Variants in ASMTL observed in about 807,000 individuals in gnomAD.
The protein encoded by ASMTL is probable bifunctional dTTP/UTP pyrophosphatase/methyltransferase protein.
A neutral mutation model predicts 60.3 loss-of-function variants in ASMTL; 57 were observed. That is an observed-to-expected ratio of 0.95 (90% confidence interval 0.76 to 1.18). ASMTL has a LOEUF of 1.18. ASMTL is among the 50% of genes most tolerant of loss of function. The pLI is 0.00. For synonymous variants in ASMTL, 419 were observed against 373.0 expected, an observed-to-expected ratio of 1.12 and a Z score of -1.42; for missense variants, 981 against 852.6, an observed-to-expected ratio of 1.15 and a Z score of -1.88.
intron 12 of ASMTL, among the ~76,000 whole-genome samples, chrX:1,406,025 A>G (rs2089819719): frequency 1.3e-5 from 2 of 150,602 alleles, no homozygotes; most frequent in Middle Eastern, 3.6e-3. Flanking sequence ...GGATGGGTGA[A>G]TAGATGGTAG....
At chrX:1,421,390 C>T (rs1205704990) in intron 9 of ASMTL, among the ~76,000 whole-genome samples, 2 of 152,118 alleles carry the variant, frequency 1.3e-5, no homozygotes, top group African/African-American at 4.8e-5. Flanking sequence ...GGTGTGAGCC[C>T]CTGAGCATGG....
At position 1,417,663 on chromosome X, in the gene ASMTL, ACT is replaced by A. The variant is rs2090341810; in HGVS notation, c.1522+308_1522+309del. Among the ~76,000 whole-genome samples, 28 of 150,050 alleles carry A rather than the reference ACT, an allele frequency of 1.9e-4. No homozygotes were observed. In the South Asian group the frequency reaches 5.8e-3, roughly 31 times the overall value. ...TATACCCACACAGACACACACACAT[ACT>A]CTCACAGAAACATATGCAACCACAC... On this transcript the variant is annotated intron_variant, in intron 11 of 12. Transcript: ENST00000381317.
At chrX:1,439,365 G>A (rs1472003529) in intron 2 of ASMTL, among the ~76,000 whole-genome samples, 2 of 152,196 alleles carry the variant, frequency 1.3e-5, no homozygotes, top group Non-Finnish European at 2.9e-5. Flanking sequence ...GGGCCCACGG[G>A]GGCTGCGTGA....
chrX:1,420,049 C>CTG (rs367668661), intron 9 of ASMTL, among the ~76,000 whole-genome samples: 161 of 151,190 alleles, frequency 1.1e-3, no homozygotes, highest in Non-Finnish European at 1.9e-3. Context: ...GTCTCTATGT[C>CTG]TGTCTCCTGT....
chrX:1,403,600 C>CTG, intron 12 of ASMTL, 111 bp from the exon 13 acceptor site: 1 of 996,918 alleles, frequency 1.0e-6, no homozygotes, highest in Non-Finnish European at 1.5e-6. Context: ...GCAGAGGCTG[C>CTG]TGAGAACCCT....
intron 8 of ASMTL, among the ~76,000 whole-genome samples, chrX:1,422,098 C>G (rs1189884946): frequency 1.5e-4 from 23 of 152,292 alleles, no homozygotes; most frequent in African/African-American, 5.3e-4. Context: ...CAGCTGTCAA[C>G]TGCTGTAACT....
At chrX:1,434,359 G>C (rs111421872) in intron 5 of ASMTL, among the ~76,000 whole-genome samples, 2 of 151,786 alleles carry the variant, frequency 1.3e-5, no homozygotes, top group South Asian at 2.1e-4. Flanking sequence ...GTGTGGTGGC[G>C]TGTGCCTGTA....
chrX:1,433,234 C>T (rs1203505573), intron 5 of ASMTL, among the ~76,000 whole-genome samples: 2 of 152,098 alleles, frequency 1.3e-5, no homozygotes, highest in African/African-American at 4.8e-5. Context: ...AAGCCCCTTT[C>T]ATCCGCAGGG....
At chrX:1,428,315 G>C (rs2090671103) in intron 6 of ASMTL, 194 bp from the exon 7 acceptor site, 3 of 166,056 alleles carry the variant, frequency 1.8e-5, no homozygotes, top group Admixed American at 1.1e-4. Context: ...AGGCGCCTTT[G>C]GCATCTCAAA....
At chrX:1,451,011 G>C (rs2091360795) in intron 1 of ASMTL, among the ~76,000 whole-genome samples, 1 of 140,608 alleles carries the variant, frequency 7.1e-6, no homozygotes, top group Non-Finnish European at 1.6e-5. Flanking sequence ...AGGGGTCCCG[G>C]GTCACTCTGC....
rs1276865095 is a variant in ASMTL at position 1,427,683 on chromosome X, A to C, written c.897+51T>G. On this transcript the variant is annotated intron_variant, in intron 7 of 12. Transcript: ENST00000381317. ...AGTAAATTCCCTTTGATTTAAGCCG[A>C]GTGTGTAGGCTCATTTGTGAAATGT... The C allele has an allele frequency of 6.5e-6, 10 of 1,536,702 alleles. No individual in the cohort carries two copies. In the Middle Eastern group the frequency reaches 5.4e-4, roughly 83 times the overall value.
intron 1 of ASMTL, among the ~76,000 whole-genome samples, chrX:1,452,066 C>G (rs183470317): frequency 1.4e-5 from 2 of 141,246 alleles, no homozygotes; most frequent in South Asian, 4.7e-4. Flanking sequence ...CCCTCCCCCA[C>G]CCCTAGGGGG....
At chrX:1,452,129 CCCAA>C in intron 1 of ASMTL, among the ~76,000 whole-genome samples, 1 of 148,434 alleles carries the variant, frequency 6.7e-6, no homozygotes, top group African/African-American at 2.5e-5. Context: ...GGTCACTCTC[CCCAA>C]CCCCATCCCT....
At chrX:1,433,957 G>A (rs2090886932) in intron 5 of ASMTL, among the ~76,000 whole-genome samples, 1 of 152,206 alleles carries the variant, frequency 6.6e-6, no homozygotes, top group Non-Finnish European at 1.5e-5. Context: ...AGCCAGCAGT[G>A]AGCGGCAGGT....
intron 1 of ASMTL, among the ~76,000 whole-genome samples, chrX:1,448,914 G>A (rs1248177684): frequency 7.2e-5 from 11 of 152,244 alleles, no homozygotes; most frequent in South Asian, 2.1e-4. Flanking sequence ...TTAAGTTCCC[G>A]TGATTAAAAA....
intron 1 of ASMTL, among the ~76,000 whole-genome samples, chrX:1,445,877 C>T (rs773975431): frequency 4.6e-5 from 7 of 152,170 alleles, no homozygotes; most frequent in Admixed American, 1.3e-4. Context: ...AAGACGAGCG[C>T]GAGCCTTCTG....
intron 10 of ASMTL, among the ~76,000 whole-genome samples, chrX:1,418,407 C>G (rs1262986673): frequency 6.6e-6 from 1 of 151,698 alleles, no homozygotes; most frequent in African/African-American, 2.4e-5. Context: ...GCTACAGCAG[C>G]CACTCTGGGC....
chrX:1,431,692 G>A (rs1386202539), intron 6 of ASMTL, among the ~76,000 whole-genome samples: 2 of 146,476 alleles, frequency 1.4e-5, no homozygotes, highest in African/African-American at 5.0e-5. Flanking sequence ...TATATAATGT[G>A]GAATACATAA....
chrX:1,435,400 C>T (rs1326474303), intron 4 of ASMTL: 3 of 605,784 alleles, frequency 5.0e-6, no homozygotes, highest in East Asian at 5.5e-5. Flanking sequence ...GCTACGGGCT[C>T]AGGTCCAGGA....
Sources: gnomAD v4.1 joint callset for allele counts (sites outside exome capture counted in the v4.1 genomes callset) on GRCh38, gnomAD v4.1.1 for gene constraint, MANE v1.5 for transcripts, NCBI Gene and HGNC (gene_info 2026-07-23, HGNC 2026-07-21) for gene names.